Variants in CLIP1 observed in about 807,000 individuals in gnomAD.
The protein encoded by CLIP1 is CAP-Gly domain-containing linker protein 1.
A neutral mutation model predicts 161.6 loss-of-function variants in CLIP1; 66 were observed. That is an observed-to-expected ratio of 0.41 (90% CI 0.33 to 0.50). The LOEUF (loss-of-function observed/expected upper bound fraction) is 0.50, where lower values mean the gene tolerates loss of function less well. Among genes scored for constraint, CLIP1 ranks in the 20% least tolerant of loss-of-function variants. The pLI is 0.27. For missense variants in CLIP1, 1,376 were observed against 1,702.0 expected, an observed-to-expected ratio of 0.81 and a Z score of 3.37; for synonymous variants, 598 against 626.2, an observed-to-expected ratio of 0.96 and a Z score of 0.67.
At chr12:122,362,575 A>G (rs543501110) in intron 4 of CLIP1, among the ~76,000 whole-genome samples, 10 of 137,062 alleles carry the variant, frequency 7.3e-5, no homozygotes, top group Admixed American at 6.3e-4. Context: ...TGAGAGTCAG[A>G]GGTTGCGGTG....
At chr12:122,350,961 T>C (rs559403154) in intron 9 of CLIP1, 150 bp downstream of exon 9, 25 of 515,186 alleles carry the variant, frequency 4.9e-5, no homozygotes, top group Admixed American at 3.1e-4. Context: ...TAAATGTAAT[T>C]GCTTTGAAAG....
Position 122,277,982 on chromosome 12 carries a change from AC to A in CLIP1, c.3966+171del, listed in dbSNP as rs1224314729. ...GAAGAGAGAGAAGGTTTGGAGGAAG[AC>A]ATTTAATGTATATATTTTTAATTCT... On this transcript the variant is annotated intron_variant, in intron 24 of 25. Coordinates refer to ENST00000620786, the MANE Select transcript of CLIP1 (RefSeq NM_001247997.2). The A allele has an allele frequency of 2.3e-5, 15 of 655,284 alleles. No individual in the cohort carries two copies. The African/African-American group carries it at 2.7e-4, about 12-fold the overall frequency. 40.6% of individuals were successfully genotyped at this position (655,284 alleles called of 1,614,324 possible).
intron 20 of CLIP1, 25 bp from the exon 21 acceptor site, chr12:122,288,566 C>T: frequency 6.3e-7 from 1 of 1,597,322 alleles, no homozygotes; most frequent in Non-Finnish European, 8.5e-7. Flanking sequence ...CAAAAAACTT[C>T]AGTTCATAAC....
intron 15 of CLIP1, among the ~76,000 whole-genome samples, chr12:122,331,338 G>A (rs151128711): frequency 0.012 from 1,839 of 150,930 alleles, 16 homozygotes; most frequent in Non-Finnish European, 0.018. Flanking sequence ...TTTTTGAGAC[G>A]GAGTCTAGCT....
At chr12:122,356,810 G>GT (rs1953401631) in intron 5 of CLIP1, among the ~76,000 whole-genome samples, 1 of 152,176 alleles carries the variant, frequency 6.6e-6, no homozygotes, top group African/African-American at 2.4e-5. Flanking sequence ...ACTGGTTTTC[G>GT]TATTTTTTTG....
intron 1 of CLIP1, among the ~76,000 whole-genome samples, chr12:122,414,901 A>C (rs1956676851): frequency 6.6e-6 from 1 of 151,634 alleles, no homozygotes; most frequent in Non-Finnish European, 1.5e-5. Flanking sequence ...AAAAATGCTA[A>C]AAAAAAATTA....
rs1178068956 is a variant in CLIP1 at position 122,377,499 on chromosome 12, G to C, written c.547C>G (p.Pro183Ala). The change falls in exon 3 of 26, where the codon CCT becomes GCT. Residue 183 changes from proline to alanine, a missense_variant. This residue lies in a region of CLIP1 where 119 missense variants were observed against 112.0 expected (regional missense o/e 1.06). Coordinates refer to ENST00000620786, the MANE Select transcript of CLIP1 (RefSeq NM_001247997.2). ...QPAAKEPSAT[P>A]PISNLTKTAS... is the part of the protein sequence containing the mutation. ...GTTTTTGTAAGGTTGCTGATCGGAG[G>C]CGTAGCTGAAGGTTCCTTTGCTGCT... 7 of 1,614,022 alleles carry C rather than the reference G, an allele frequency of 4.3e-6. No homozygotes were observed. Among genetic ancestry groups the C allele is most frequent in the Non-Finnish European group, 5.9e-6 (7 of 1,180,040 alleles).
At chr12:122,294,347 A>AC (rs1266304467) in intron 20 of CLIP1, among the ~76,000 whole-genome samples, 1 of 150,650 alleles carries the variant, frequency 6.6e-6, no homozygotes, top group Non-Finnish European at 1.5e-5. Flanking sequence ...AAAAAAACAA[A>AC]AAAAAAAACC....
chr12:122,407,748 CAAAAAAAAAAA>C (rs35500806), intron 1 of CLIP1, among the ~76,000 whole-genome samples: 1 of 38,334 alleles, frequency 2.6e-5, no homozygotes, highest in Admixed American at 5.1e-4. Flanking sequence ...GACCCTGTCT[CAAAAAAAAAAA>C]AAAAAAAAAA....
chr12:122,335,591 G>A (rs1250050429), intron 12 of CLIP1, among the ~76,000 whole-genome samples: 1 of 152,134 alleles, frequency 6.6e-6, no homozygotes, highest in African/African-American at 2.4e-5. Flanking sequence ...CAGATCACTT[G>A]AGGTCAGTCG....
At chr12:122,336,916 TCAAA>T (rs992449791) in intron 11 of CLIP1, among the ~76,000 whole-genome samples, 168 bp from the exon 12 acceptor site, 3 of 151,544 alleles carry the variant, frequency 2.0e-5, no homozygotes, top group African/African-American at 4.8e-5. Context: ...CAATGACTTT[TCAAA>T]CAATCAGTTC....
chr12:122,280,266 G>GT (rs1955595721), intron 21 of CLIP1: 1 of 152,038 alleles, frequency 6.6e-6, no homozygotes, highest in Non-Finnish European at 1.5e-5. Context: ...TAGAGATGGG[G>GT]TTTCACCATG....
chr12:122,389,530 C>A (rs143414818), intron 1 of CLIP1, among the ~76,000 whole-genome samples: 1 of 151,886 alleles, frequency 6.6e-6, no homozygotes, highest in African/African-American at 2.4e-5. Context: ...AGGCCAAAGC[C>A]GGCGGATCAC....
chr12:122,362,170 T>A (rs1349525000), intron 4 of CLIP1, among the ~76,000 whole-genome samples: 1 of 150,662 alleles, frequency 6.6e-6, no homozygotes, highest in Non-Finnish European at 1.5e-5. Flanking sequence ...GCCAGGATGG[T>A]CTCGAACTCC....
intron 4 of CLIP1, among the ~76,000 whole-genome samples, chr12:122,362,639 CAAAAAAAAAAAAAAAAA>C (rs56183812): frequency 3.1e-4 from 6 of 19,120 alleles, no homozygotes; most frequent in Admixed American, 1.3e-3. Flanking sequence ...GACTCCATCT[CAAAAAAAAAAAAAAAAA>C]AAAAAAAAAA....
intron 20 of CLIP1, among the ~76,000 whole-genome samples, chr12:122,300,441 G>A (rs1369830616): frequency 6.6e-6 from 1 of 152,132 alleles, no homozygotes. Context: ...GCAAAAAAAT[G>A]TTATTTACCA....
intron 3 of CLIP1, among the ~76,000 whole-genome samples, chr12:122,366,449 C>A (rs1380659739): frequency 1.3e-5 from 2 of 152,196 alleles, no homozygotes; most frequent in African/African-American, 4.8e-5. Context: ...CACTGCACTA[C>A]AGCCTGGGCA....
In CLIP1 at chr12:122,328,254, T is replaced by G. The variant is rs781209901; in HGVS notation, c.3033+7A>C. 6.2e-7 allele frequency: 1 copy of G among 1,613,776 alleles called. No homozygotes were observed. Among genetic ancestry groups the G allele is most frequent in the Admixed American group, 1.7e-5 (1 of 60,012 alleles). ...CCAGCCAACAGGCCCACTGAGTATC[T>G]CCTTACCAGGTCCGACAATTTCCTC... On this transcript the variant is annotated splice_region_variant and intron_variant, in intron 16 of 25. Coordinates refer to ENST00000620786, the MANE Select transcript of CLIP1 (RefSeq NM_001247997.2).
intron 1 of CLIP1, chr12:122,399,394 GA>G (rs1207588275): frequency 2.6e-4 from 39 of 152,254 alleles, no homozygotes; most frequent in African/African-American, 8.9e-4. Flanking sequence ...TTGCCAAAGT[GA>G]AAAGTACAGA....
Sources: gnomAD v4.1 joint callset for allele counts (sites outside exome capture counted in the v4.1 genomes callset) on GRCh38, gnomAD v4.1.1 for gene constraint, gnomAD v4.1.1 regional missense constraint, MANE v1.5 for transcripts, NCBI Gene and HGNC (gene_info 2026-07-23, HGNC 2026-07-21) for gene names.